BHMT2: variants seen among roughly 807,000 people sequenced by gnomAD.
The protein encoded by BHMT2 is S-methylmethionine--homocysteine S-methyltransferase BHMT2.
Under a neutral mutation model 39.0 loss-of-function variants are expected in BHMT2, and 28 were observed. The ratio of observed to expected loss-of-function variants is 0.72; its 90% CI spans 0.53 to 0.98. The LOEUF (loss-of-function observed/expected upper bound fraction) is 0.98, where lower values mean the gene tolerates loss of function less well. Ranked by LOEUF, BHMT2 falls within the 50% of genes least tolerant of loss-of-function variation. The pLI is 0.00. For missense variants in BHMT2, 410 were observed against 455.6 expected, an observed-to-expected ratio of 0.90 and a Z score of 0.91; for synonymous variants, 145 against 160.6, an observed-to-expected ratio of 0.90 and a Z score of 0.74.
At chr5:79,069,903 A>G in intron 1 of BHMT2, 88 bp downstream of exon 1, 1 of 1,262,666 alleles carries the variant, frequency 7.9e-7, no homozygotes, top group East Asian at 3.2e-5. Context: ...TCCCTAGCCA[A>G]GCCCTGGGGC....
At position 79,082,901 on chromosome 5, in the gene BHMT2, G is replaced by A; in HGVS notation, c.543G>A (p.Glu181=). ...PVAVTMCIGP[E]GDMHDITPGE... ...CAGTTACCATGTGCATAGGCCCAGA[G>A]GGAGACATGCATGATATAACCCCCG... Residue 181 remains glutamate, a synonymous_variant, in exon 5 of 8, where the codon GAG becomes GAA. Coordinates refer to ENST00000255192, the MANE Select transcript of BHMT2 (RefSeq NM_017614.5). The A allele has an allele frequency of 6.2e-7, 1 of 1,614,198 alleles. No individual in the cohort carries two copies. The highest frequency in any genetic ancestry group is 8.5e-7 in the Non-Finnish European group (1 of 1,180,044).
At position 79,080,748 on chromosome 5, in the gene BHMT2, C is replaced by CT. The variant is rs780881993; in HGVS notation, c.323dup (p.Leu108PhefsTer18). 2 of 1,603,820 alleles carry CT rather than the reference C, an allele frequency of 1.2e-6. No homozygotes were observed. The highest frequency in any genetic ancestry group is 2.3e-5 in the South Asian group (2 of 88,738). On this transcript the variant is annotated frameshift_variant, in exon 4 of 8. Transcript: ENST00000255192. LOFTEE classifies it high-confidence loss of function. The stretch of plus-strand genomic sequence containing the variant: ...AGGGAAGTGGCTGGCAAAGGTGATG[C>CT]TTTGGTAGCAGGGGGGATCTGCCAG...
chr5:79,074,704 A>C (rs2112694473), intron 1 of BHMT2, among the ~76,000 whole-genome samples: 1 of 152,332 alleles, frequency 6.6e-6, no homozygotes, highest in African/African-American at 2.4e-5. Context: ...GAACAGAAGC[A>C]GTTTCTCTCC....
At chr5:79,080,332 A>T (rs1355275736) in intron 3 of BHMT2, among the ~76,000 whole-genome samples, 1 of 152,230 alleles carries the variant, frequency 6.6e-6, no homozygotes, top group Non-Finnish European at 1.5e-5. Flanking sequence ...ATACGTGTAA[A>T]TGTTAATGCC....
chr5:79,077,787 C>T (rs772793194), intron 2 of BHMT2, 175 bp downstream of exon 2: 1 of 554,764 alleles, frequency 1.8e-6, no homozygotes, highest in Non-Finnish European at 2.9e-6. Flanking sequence ...AGAAAATGAC[C>T]TCTCTCTCTC....
chr5:79,074,359 A>G (rs1755633308), intron 1 of BHMT2, among the ~76,000 whole-genome samples: 2 of 152,164 alleles, frequency 1.3e-5, no homozygotes, highest in Non-Finnish European at 2.9e-5. Context: ...GTTTGGTTCC[A>G]TACTGTTAAC....
chr5:79,079,966 TA>T (rs1317636084), intron 3 of BHMT2, among the ~76,000 whole-genome samples: 2 of 152,204 alleles, frequency 1.3e-5, no homozygotes, highest in East Asian at 3.8e-4. Flanking sequence ...GGGTCAGGAC[TA>T]GGGGTAAAAT....
At chr5:79,077,994 CAT>C (rs1201018299) in intron 2 of BHMT2, 1 of 157,692 alleles carries the variant, frequency 6.3e-6, no homozygotes, top group Non-Finnish European at 1.4e-5. Context: ...TACACACACA[CAT>C]CTGCATCTTA....
chr5:79,083,569 G>A, intron 6 of BHMT2, 59 bp from the exon 7 acceptor site: 1 of 1,591,882 alleles, frequency 6.3e-7, no homozygotes, highest in East Asian at 2.2e-5. Flanking sequence ...GCTCATTAGA[G>A]CATCCATCAT....
At chr5:79,081,357 C>T (rs1452168941) in intron 4 of BHMT2, among the ~76,000 whole-genome samples, 2 of 152,208 alleles carry the variant, frequency 1.3e-5, no homozygotes, top group African/African-American at 4.8e-5. Flanking sequence ...ATGTCTTGCT[C>T]TTCTTGCCTC....
In BHMT2 at chr5:79,069,825, G is replaced by T; in HGVS notation, c.33+10G>T. On this transcript the variant is annotated intron_variant, in intron 1 of 7. Coordinates refer to ENST00000255192, the MANE Select transcript of BHMT2 (RefSeq NM_017614.5). The stretch of plus-strand genomic sequence containing the variant: ...CCCGGGGGCCAAGAAGGTGAGTTTC[G>T]TCCCCTCGATCCTCGCGGAGCTCCT... The T allele has an allele frequency of 7.0e-7, 1 of 1,424,720 alleles. No individual in the cohort carries two copies. The highest frequency in any genetic ancestry group is 9.2e-7 in the Non-Finnish European group (1 of 1,081,396). The allele number at this position is 1,424,720 out of a possible 1,614,324, so 88.3% of individuals were successfully genotyped here.
At chr5:79,087,257 T>C (rs1421741682) in intron 7 of BHMT2, among the ~76,000 whole-genome samples, 1 of 151,812 alleles carries the variant, frequency 6.6e-6, no homozygotes, top group East Asian at 1.9e-4. Context: ...TAGGCAAGAA[T>C]CACTTAGCCA....
Position 79,088,740 on chromosome 5 carries a change from A to G in BHMT2, c.*166A>G, listed in dbSNP as rs1755958281. 4 of 574,080 alleles carry G rather than the reference A, an allele frequency of 7.0e-6. No homozygotes were observed. The highest frequency in any genetic ancestry group is 6.5e-5 in the Admixed American group (2 of 30,670). 35.6% of individuals were successfully genotyped at this position (574,080 alleles called of 1,614,324 possible). A position where few individuals can be genotyped will look rare whatever the true frequency, so the allele number is the denominator to read the frequency against. Reference sequence around the variant, plus strand: ...CCTTCCAGCCCACAAGTGTGTGCATATTGAGCTCCTGCTGTGGTTAAGCAC... The same window carrying G: ...CCTTCCAGCCCACAAGTGTGTGCATGTTGAGCTCCTGCTGTGGTTAAGCAC... On this transcript the variant is annotated 3_prime_UTR_variant, in exon 8 of 8. Coordinates refer to ENST00000255192, the MANE Select transcript of BHMT2 (RefSeq NM_017614.5).
intron 1 of BHMT2, 41 bp downstream of exon 1, chr5:79,069,856 C>A (rs1755515113): frequency 4.4e-6 from 6 of 1,368,084 alleles, no homozygotes; most frequent in East Asian, 6.1e-5. Flanking sequence ...CTCCTGGCCG[C>A]TGGGCTGCGA....
intron 1 of BHMT2, among the ~76,000 whole-genome samples, chr5:79,072,468 T>C (rs1755597780): frequency 6.6e-6 from 1 of 152,216 alleles, no homozygotes; most frequent in African/African-American, 2.4e-5. Context: ...AATTCTAGCA[T>C]ATGCAATACA....
At chr5:79,082,782 C>A (rs1351698324) in intron 4 of BHMT2, 27 bp from the exon 5 acceptor site, 1 of 1,610,024 alleles carries the variant, frequency 6.2e-7, no homozygotes, top group African/African-American at 1.3e-5. Context: ...ATGTTTGGAC[C>A]AGTAGAAAAA....
chr5:79,087,024 A>G (rs914710043), intron 7 of BHMT2, among the ~76,000 whole-genome samples: 3 of 145,926 alleles, frequency 2.1e-5, no homozygotes, highest in African/African-American at 7.5e-5. Context: ...GTATATATAT[A>G]TATATATATA....
rs369194698 is a variant in BHMT2 at position 79,082,974 on chromosome 5, C to A, written c.598+18C>A. On this transcript the variant is annotated intron_variant, in intron 5 of 7. Coordinates refer to ENST00000255192, the MANE Select transcript of BHMT2 (RefSeq NM_017614.5). ...GAAGGCAGGTAATTTGGACCCATACCGTGATACACAGCTCAGTTGTTGCTT... is the reference window on the plus strand; with the variant it reads ...GAAGGCAGGTAATTTGGACCCATACAGTGATACACAGCTCAGTTGTTGCTT... 50 of 1,613,776 alleles carry A rather than the reference C, an allele frequency of 3.1e-5. No homozygotes were observed. The Middle Eastern group carries it at 5.0e-4, about 16-fold the overall frequency.
At chr5:79,081,907 G>C (rs955412195) in intron 4 of BHMT2, among the ~76,000 whole-genome samples, 16 of 152,012 alleles carry the variant, frequency 1.1e-4, no homozygotes, top group African/African-American at 3.9e-4. Flanking sequence ...TCCCCCTAGT[G>C]ACCCCACTGA....
Sources: gnomAD v4.1 joint callset for allele counts (sites outside exome capture counted in the v4.1 genomes callset) on GRCh38, gnomAD v4.1.1 for gene constraint, MANE v1.5 for transcripts, NCBI Gene and HGNC (gene_info 2026-07-23, HGNC 2026-07-21) for gene names.